The following ANKS1B variants were observed in gnomAD, a reference collection of about 807,000 sequenced individuals.
ANKS1B encodes the protein ankyrin repeat and sterile alpha motif domain-containing protein 1B.
Under a neutral mutation model 148.3 loss-of-function variants are expected in ANKS1B, and 36 were observed. That is an observed-to-expected ratio of 0.24 (90% CI 0.19 to 0.32). The LOEUF (loss-of-function observed/expected upper bound fraction) is 0.32, where lower values mean the gene tolerates loss of function less well. Ranked by LOEUF, ANKS1B falls within the 10% of genes least tolerant of loss-of-function variation. ANKS1B has a pLI of 1.00. For missense variants in ANKS1B, 1,157 were observed against 1,542.6 expected, an observed-to-expected ratio of 0.75 and a Z score of 4.19; for synonymous variants, 542 against 560.8, an observed-to-expected ratio of 0.97 and a Z score of 0.47.
chr12:99,437,997 A>T (rs1302601832), intron 11 of ANKS1B, among the ~76,000 whole-genome samples: 1 of 152,088 alleles, frequency 6.6e-6, no homozygotes, highest in Non-Finnish European at 1.5e-5. Flanking sequence ...AAATAAAGTG[A>T]CATTTTGGTC....
chr12:99,609,134 A>G (rs1255888251), intron 9 of ANKS1B, among the ~76,000 whole-genome samples: 1 of 152,072 alleles, frequency 6.6e-6, no homozygotes, highest in African/African-American at 2.4e-5. Context: ...TGAAGTTCCC[A>G]TGGGAGAAGC....
At chr12:99,325,989 C>A (rs1330226930) in intron 12 of ANKS1B, among the ~76,000 whole-genome samples, 1 of 152,048 alleles carries the variant, frequency 6.6e-6, no homozygotes, top group African/African-American at 2.4e-5. Context: ...AAAGCACCTT[C>A]TTCACAAGGC....
intron 17 of ANKS1B, among the ~76,000 whole-genome samples, chr12:98,873,614 T>C (rs1022875534): frequency 6.6e-6 from 1 of 152,196 alleles, no homozygotes; most frequent in Non-Finnish European, 1.5e-5. Flanking sequence ...CTTGTGCAGA[T>C]GTGGTGGACA....
chr12:99,900,596 T>C (rs894371392), intron 1 of ANKS1B, among the ~76,000 whole-genome samples: 4 of 151,614 alleles, frequency 2.6e-5, no homozygotes, highest in African/African-American at 9.7e-5. Context: ...AGAGCTATAA[T>C]TTCCAGAACT....
In ANKS1B at chr12:99,246,570, T is replaced by C. The variant is rs1340222267; in HGVS notation, c.2051A>G (p.His684Arg). 8 of 1,613,864 alleles carry C rather than the reference T, an allele frequency of 5.0e-6. No homozygotes were observed. Among genetic ancestry groups the C allele is most frequent in the Non-Finnish European group, 5.9e-6 (7 of 1,179,834 alleles). ...FHKKSNQLEN[H>R]TIVGTRSTRS... ...GGTTGATCTTGTGCCAACAATGGTA[T>C]GGTTTTCGAGTTGGTTGCTTTTTTT... The change falls in exon 13 of 27, where the codon CAT becomes CGT. Residue 684 changes from histidine (H) to arginine (R), a missense_variant. Physicochemically the swap from His to Arg is conservative, Grantham distance 29. Coordinates refer to ENST00000683438, the MANE Select transcript of ANKS1B (RefSeq NM_001352186.2).
At chr12:99,259,073 T>C (rs1326536591) in intron 12 of ANKS1B, among the ~76,000 whole-genome samples, 8 of 152,274 alleles carry the variant, frequency 5.3e-5, no homozygotes, top group Middle Eastern at 3.4e-3. Context: ...GTATGAGATA[T>C]AAATCTGGCT....
chr12:99,096,055 G>A (rs561097749), intron 15 of ANKS1B, among the ~76,000 whole-genome samples: 2 of 152,310 alleles, frequency 1.3e-5, no homozygotes, highest in East Asian at 3.9e-4. Context: ...TCTAAAGGAA[G>A]TACAGTTTTA....
intron 9 of ANKS1B, among the ~76,000 whole-genome samples, chr12:99,650,670 T>A (rs188073421): frequency 1.3e-5 from 2 of 152,280 alleles, no homozygotes; most frequent in African/African-American, 4.8e-5. Context: ...TTCAATCTAG[T>A]TACAATGGAA....
At chr12:99,898,543 G>GA (rs1308125644) in intron 1 of ANKS1B, among the ~76,000 whole-genome samples, 1 of 152,050 alleles carries the variant, frequency 6.6e-6, no homozygotes, top group Non-Finnish European at 1.5e-5. Flanking sequence ...TGGTTTAAAA[G>GA]AAAAAAAGCC....
intron 15 of ANKS1B, among the ~76,000 whole-genome samples, 192 bp from the exon 16 acceptor site, chr12:99,085,215 C>A (rs903251663): frequency 6.6e-6 from 1 of 152,104 alleles, no homozygotes; most frequent in African/African-American, 2.4e-5. Flanking sequence ...GGAGAAAGCT[C>A]CCCTCCCCTC....
chr12:99,742,004 G>C (rs967951088), intron 8 of ANKS1B, among the ~76,000 whole-genome samples: 12 of 152,152 alleles, frequency 7.9e-5, no homozygotes, highest in African/African-American at 2.9e-4. Context: ...CACAGGAAGA[G>C]AAAACCAAAT....
intron 14 of ANKS1B, among the ~76,000 whole-genome samples, chr12:99,184,044 A>C (rs2079477290): frequency 6.6e-6 from 1 of 152,248 alleles, no homozygotes; most frequent in Non-Finnish European, 1.5e-5. Flanking sequence ...GAGCCTTATC[A>C]TCTCAAATGG....
chr12:99,153,602 C>T (rs2153822014), intron 15 of ANKS1B, among the ~76,000 whole-genome samples: 1 of 152,266 alleles, frequency 6.6e-6, no homozygotes, highest in East Asian at 1.9e-4. Context: ...GTTTAGATTG[C>T]ATGTAGACCA....
intron 12 of ANKS1B, among the ~76,000 whole-genome samples, chr12:99,376,924 T>C (rs2093412950): frequency 6.6e-6 from 1 of 152,100 alleles, no homozygotes; most frequent in African/African-American, 2.4e-5. Flanking sequence ...GATACATTGA[T>C]TGTTTTAATG....
At chr12:99,848,233 A>G (rs1212651881) in intron 1 of ANKS1B, among the ~76,000 whole-genome samples, 13 of 152,162 alleles carry the variant, frequency 8.5e-5, no homozygotes, top group African/African-American at 3.1e-4. Context: ...GTGGGCAGTC[A>G]CAGTGTATGA....
chr12:99,799,205 C>T (rs1443575081), intron 4 of ANKS1B, among the ~76,000 whole-genome samples: 1 of 152,070 alleles, frequency 6.6e-6, no homozygotes, highest in African/African-American at 2.4e-5. Flanking sequence ...GCTGTCTTGG[C>T]ATTCCTCTTT....
intron 15 of ANKS1B, among the ~76,000 whole-genome samples, chr12:99,132,245 A>T (rs2066342062): frequency 6.6e-6 from 1 of 152,198 alleles, no homozygotes; most frequent in South Asian, 2.1e-4. Flanking sequence ...CTGAGAAGAA[A>T]GGACCACGAG....
intron 17 of ANKS1B, among the ~76,000 whole-genome samples, chr12:98,833,877 A>C (rs189453647): frequency 2.0e-5 from 3 of 152,290 alleles, no homozygotes; most frequent in Admixed American, 2.0e-4. Flanking sequence ...TAATTAACTT[A>C]AGGGTAATGG....
chr12:99,350,239 T>C (rs1415675340), intron 12 of ANKS1B, among the ~76,000 whole-genome samples: 1 of 152,010 alleles, frequency 6.6e-6, no homozygotes, highest in African/African-American at 2.4e-5. Context: ...CTGCCATGAT[T>C]GTAACTTTCC....
Sources: allele counts gnomAD v4.1 joint callset (sites outside exome capture counted in the v4.1 genomes callset), GRCh38; gene constraint gnomAD v4.1.1; transcripts MANE v1.5; gene names NCBI Gene and HGNC (gene_info 2026-07-23, HGNC 2026-07-21).